The following PAX5 variants were observed in gnomAD, a reference collection of about 807,000 sequenced individuals.
PAX5 encodes the protein paired box protein Pax-5.
Under a neutral mutation model 43.7 loss-of-function variants are expected in PAX5, and 9 were observed. That is an observed-to-expected ratio of 0.21 (90% CI 0.12 to 0.36). The LOEUF (loss-of-function observed/expected upper bound fraction) is 0.36, where lower values mean the gene tolerates loss of function less well. Among genes scored for constraint, PAX5 ranks in the 10% least tolerant of loss-of-function variants. The pLI, the probability that PAX5 is intolerant of heterozygous loss-of-function variation, is 1.00. For missense variants in PAX5, 383 were observed against 532.7 expected (o/e 0.72, Z 2.77); for synonymous variants, 228 against 214.3 (o/e 1.06, Z -0.56).
chr9:37,033,562 C>CT lies in PAX5; in HGVS notation c.46+423dup, dbSNP rs1352581954. On this transcript the variant is annotated intron_variant, in intron 1 of 9. Transcript: ENST00000358127. ...CCAAAAGAATATACACAAGTACTAA[C>CT]TTATAAACACACACGAATACCCCAC... 4.0e-5 allele frequency among the ~76,000 whole-genome samples: 6 copies of CT among 151,328 alleles called. No individual in the cohort carries two copies. The East Asian group carries it at 1.2e-3, about 30-fold the overall frequency.
intron 7 of PAX5, among the ~76,000 whole-genome samples, chr9:36,904,397 A>G (rs1344927111): frequency 6.6e-6 from 1 of 152,214 alleles, no homozygotes; most frequent in African/African-American, 2.4e-5. Flanking sequence ...TACGAAAGGA[A>G]CTAATGGGTC....
intron 6 of PAX5, among the ~76,000 whole-genome samples, chr9:36,938,611 T>C (rs1588028020): frequency 1.3e-5 from 2 of 152,160 alleles, no homozygotes; most frequent in Non-Finnish European, 2.9e-5. Context: ...CTCTGCCCAA[T>C]TGCCCTGGAA....
chr9:36,916,636 T>C (rs202177806), intron 7 of PAX5, among the ~76,000 whole-genome samples: 1 of 151,106 alleles, frequency 6.6e-6, no homozygotes. Context: ...CCAGGTGAGA[T>C]ATATATATAT....
At chr9:36,881,506 GT>G (rs1049332883) in intron 8 of PAX5, among the ~76,000 whole-genome samples, 31 of 152,094 alleles carry the variant, frequency 2.0e-4, no homozygotes, top group African/African-American at 6.3e-4. Flanking sequence ...CGGCCACAGG[GT>G]GTTCAGTTTA....
intron 7 of PAX5, among the ~76,000 whole-genome samples, chr9:36,897,694 T>A (rs1827988985): frequency 6.6e-6 from 1 of 152,228 alleles, no homozygotes; most frequent in Non-Finnish European, 1.5e-5. Context: ...CCAGGTTTTC[T>A]CTGTTGCTTT....
At position 36,838,319 on chromosome 9, in the gene PAX5, C is replaced by T; in HGVS notation, c.*2241G>A. The T allele has an allele frequency of 4.3e-6, 1 of 232,586 alleles. No homozygotes were observed. The allele number at this position is 232,586 out of a possible 1,614,324, so 14.4% of individuals were successfully genotyped here. On this transcript the variant is annotated 3_prime_UTR_variant, in exon 10 of 10. Coordinates refer to ENST00000358127, the MANE Select transcript of PAX5 (RefSeq NM_016734.3). Reference sequence around the variant, plus strand: ...GGGCCCAGAACCATCTCTCACTGCTCTTACTGTCAACTCTCCTCAGGAATA... The same window carrying T: ...GGGCCCAGAACCATCTCTCACTGCTTTTACTGTCAACTCTCCTCAGGAATA...
chr9:36,940,365 G>T (rs1378127326), intron 6 of PAX5, among the ~76,000 whole-genome samples: 1 of 152,160 alleles, frequency 6.6e-6, no homozygotes, highest in African/African-American at 2.4e-5. Context: ...GCATAAACAA[G>T]GCCTTGGGAC....
intron 8 of PAX5, among the ~76,000 whole-genome samples, chr9:36,869,847 A>ATGG (rs1554651048): frequency 1.6e-4 from 19 of 117,968 alleles, no homozygotes; most frequent in East Asian, 5.0e-4. Context: ...TGGATGGATA[A>ATGG]ATGGATGGAT....
chr9:37,034,088 C>CTTTTTTTTTT lies in PAX5; in HGVS notation c.-58_-57insAAAAAAAAAA. On this transcript the variant is annotated 5_prime_UTR_variant, in exon 1 of 10. Coordinates refer to ENST00000358127, the MANE Select transcript of PAX5 (RefSeq NM_016734.3). ...GGGAAAAGTTTCCACTTTTTTGTGC[C>CTTTTTTTTTT]TTTTTTTTTCTTTTTTTTTTTTTTT... The CTTTTTTTTTT allele has an allele frequency of 2.5e-5, 11 of 447,880 alleles. No individual in the cohort carries two copies. Among genetic ancestry groups the CTTTTTTTTTT allele is most frequent in the South Asian group, 2.1e-4 (6 of 29,074 alleles). 27.7% of individuals were successfully genotyped at this position (447,880 alleles called of 1,614,324 possible). A position where few individuals can be genotyped will look rare whatever the true frequency, so the allele number is the denominator to read the frequency against.
At chr9:37,026,911 G>C (rs1310363847) in intron 1 of PAX5, among the ~76,000 whole-genome samples, 4 of 152,222 alleles carry the variant, frequency 2.6e-5, no homozygotes, top group African/African-American at 9.6e-5. Flanking sequence ...TAGCGTAGGG[G>C]CCCGCCTCCG....
chr9:36,899,795 GC>G lies in PAX5; in HGVS notation c.911-17691del, dbSNP rs546867015. Among the ~76,000 whole-genome samples the G allele has an allele frequency of 4.4e-3, 669 of 152,288 alleles. 1 individual carries two copies. Among genetic ancestry groups the G allele is most frequent in the Non-Finnish European group, 7.1e-3 (481 of 68,020 alleles). Reference sequence around the variant, plus strand: ...CCCCACCCCATGGCCTCCTGATCCAGCCTCCTCTCCTCACTATGGCTTTCCT... The same window carrying G: ...CCCCACCCCATGGCCTCCTGATCCAGCTCCTCTCCTCACTATGGCTTTCCT... On this transcript the variant is annotated intron_variant, in intron 7 of 9. Coordinates refer to ENST00000358127, the MANE Select transcript of PAX5 (RefSeq NM_016734.3).
intron 8 of PAX5, among the ~76,000 whole-genome samples, chr9:36,865,408 A>C (rs1006177507): frequency 1.3e-5 from 2 of 152,210 alleles, no homozygotes; most frequent in African/African-American, 4.8e-5. Flanking sequence ...CGATTCTCCT[A>C]GGTCTTGAGA....
intron 7 of PAX5, among the ~76,000 whole-genome samples, chr9:36,907,554 G>A (rs555539514): frequency 1.6e-3 from 238 of 152,206 alleles, no homozygotes; most frequent in Non-Finnish European, 2.5e-3. Flanking sequence ...AGAGAGATTC[G>A]CCCCCTAGCC....
chr9:36,853,986 T>C (rs987053323), intron 8 of PAX5, among the ~76,000 whole-genome samples: 3 of 152,254 alleles, frequency 2.0e-5, no homozygotes, highest in Non-Finnish European at 2.9e-5. Flanking sequence ...CGTCTGCAGA[T>C]GGTGGGCTCC....
At chr9:36,848,663 T>C (rs1737373646) in intron 8 of PAX5, among the ~76,000 whole-genome samples, 1 of 152,132 alleles carries the variant, frequency 6.6e-6, no homozygotes, top group Admixed American at 6.5e-5. Context: ...ACCTGCCCTA[T>C]CAGAGGCACT....
At chr9:37,030,817 T>C (rs1291543879) in intron 1 of PAX5, among the ~76,000 whole-genome samples, 1 of 152,278 alleles carries the variant, frequency 6.6e-6, no homozygotes, top group Middle Eastern at 3.4e-3. Flanking sequence ...AGTGTTCTAG[T>C]AGCCTGACAT....
chr9:37,008,589 G>A (rs149795539), intron 3 of PAX5, among the ~76,000 whole-genome samples: 2 of 152,270 alleles, frequency 1.3e-5, no homozygotes, highest in African/African-American at 2.4e-5. Context: ...AGGGCAGTCC[G>A]TGTCCTCAGC....
chr9:36,888,886 C>A (rs1244855450), intron 7 of PAX5, among the ~76,000 whole-genome samples: 1 of 152,194 alleles, frequency 6.6e-6, no homozygotes, highest in Non-Finnish European at 1.5e-5. Context: ...CTGAGCCTTG[C>A]AGGGAGGGGT....
intron 3 of PAX5, among the ~76,000 whole-genome samples, chr9:37,010,076 G>A (rs1838797592): frequency 6.6e-6 from 1 of 152,202 alleles, no homozygotes; most frequent in Admixed American, 6.5e-5. Flanking sequence ...GTAGTGGGAA[G>A]AACAAGACTG....
Sources: allele counts gnomAD v4.1 joint callset (sites outside exome capture counted in the v4.1 genomes callset), GRCh38; gene constraint gnomAD v4.1.1; transcripts MANE v1.5; gene names NCBI Gene and HGNC (gene_info 2026-07-23, HGNC 2026-07-21).